PTPN13: variants seen among roughly 807,000 people sequenced by gnomAD.
PTPN13 encodes the protein protein tyrosine phosphatase non-receptor type 13.
In PTPN13, 191 loss-of-function variants were observed where a neutral mutation model predicts 284.0. That is an observed-to-expected ratio of 0.67 (90% CI 0.60 to 0.76). The LOEUF is 0.76. PTPN13 is among the 30% of genes least tolerant of loss of function. PTPN13 has a pLI of 0.00. For synonymous variants in PTPN13, 986 were observed against 1,022.3 expected (o/e 0.96, Z 0.68); for missense variants, 2,797 against 2,939.9 (o/e 0.95, Z 1.12).
At position 86,716,538 on chromosome 4, in the gene PTPN13, C is replaced by T. The variant is rs1444920175; in HGVS notation, c.1204C>T (p.Arg402Ter). Residue 402 changes from arginine to a stop codon, truncating the protein, a stop_gained, in exon 8 of 48, where the codon CGA becomes TGA. Coordinates refer to ENST00000411767, the MANE Select transcript of PTPN13 (RefSeq NM_080683.3). LOFTEE classifies it high-confidence loss of function. ...TGTTTTAATCCTTTTAGAACCAGTT[C>T]GAAGATACAAAACTTATCATGGTGA... is the stretch of plus-strand genomic sequence containing the variant. ...REAMNVEEPV[R>*]RYKTYHGDVF... 1.3e-6 allele frequency: 2 copies of T among 1,576,772 alleles called. No individual in the cohort carries two copies. Among genetic ancestry groups the T allele is most frequent in the Non-Finnish European group, 8.6e-7 (1 of 1,160,078 alleles).
intron 41 of PTPN13, among the ~76,000 whole-genome samples, chr4:86,797,844 C>CT (rs1398180908): frequency 6.6e-6 from 1 of 151,784 alleles, no homozygotes; most frequent in South Asian, 2.1e-4. Flanking sequence ...AAAGTAAGGT[C>CT]TTTTTTTACA....
intron 7 of PTPN13, among the ~76,000 whole-genome samples, chr4:86,713,424 T>C (rs1200731644): frequency 6.6e-6 from 1 of 152,142 alleles, no homozygotes; most frequent in African/African-American, 2.4e-5. Flanking sequence ...AATAAAATTA[T>C]TGTTTTCCAT....
At position 86,765,599 on chromosome 4, in the gene PTPN13, T is replaced by G. The variant is rs1021864565; in HGVS notation, c.4243+111T>G. Reference sequence around the variant, plus strand: ...AAATTCATGATATGAAATAAGAACATACTCAATTATAAAACTGTAGCATTA... The same window carrying G: ...AAATTCATGATATGAAATAAGAACAGACTCAATTATAAAACTGTAGCATTA... On this transcript the variant is annotated intron_variant, in intron 26 of 47. Transcript: ENST00000411767. The G allele has an allele frequency of 7.1e-6, 5 of 704,100 alleles. No individual in the cohort carries two copies. In the African/African-American group the frequency reaches 9.0e-5, roughly 13 times the overall value. The allele number at this position is 704,100 out of a possible 1,614,324, so 43.6% of individuals were successfully genotyped here. A position where few individuals can be genotyped will look rare whatever the true frequency, so the allele number is the denominator to read the frequency against.
chr4:86,638,580 A>C (rs138292915), intron 2 of PTPN13, among the ~76,000 whole-genome samples: 2 of 152,192 alleles, frequency 1.3e-5, no homozygotes, highest in Non-Finnish European at 2.9e-5. Context: ...CAATGGGGAA[A>C]CGATTCGCTA....
At position 86,814,778 on chromosome 4, in the gene PTPN13, C is replaced by A; in HGVS notation, c.*227C>A. The A allele has an allele frequency of 2.3e-6, 1 of 438,058 alleles. No homozygotes were observed. 27.1% of individuals were successfully genotyped at this position (438,058 alleles called of 1,614,324 possible). A position where few individuals can be genotyped will look rare whatever the true frequency, so the allele number is the denominator to read the frequency against. On this transcript the variant is annotated 3_prime_UTR_variant, in exon 48 of 48. Transcript: ENST00000411767. ...TTACAAAATTTTAACACTAACCAAA[C>A]AATGCAGATCTTAGGGATGATTAAA...
intron 3 of PTPN13, among the ~76,000 whole-genome samples, chr4:86,681,777 C>T (rs1275065774): frequency 1.3e-5 from 2 of 151,804 alleles, no homozygotes; most frequent in Non-Finnish European, 2.9e-5. Context: ...AAAATAGAAA[C>T]ATTAGCTGGG....
chr4:86,673,996 C>T (rs949302197), intron 3 of PTPN13, among the ~76,000 whole-genome samples: 2 of 152,088 alleles, frequency 1.3e-5, no homozygotes, highest in African/African-American at 2.4e-5. Flanking sequence ...TGTGAGCCGC[C>T]GTGCCTGGCC....
At chr4:86,759,178 C>A in intron 23 of PTPN13, 105 bp downstream of exon 23, 1 of 1,196,964 alleles carries the variant, frequency 8.4e-7, no homozygotes, top group Non-Finnish European at 1.2e-6. Context: ...AAAATTGATG[C>A]AACTTAAGTA....
chr4:86,805,446 T>A, intron 44 of PTPN13, 77 bp downstream of exon 44: 1 of 743,296 alleles, frequency 1.3e-6, no homozygotes, highest in Non-Finnish European at 2.1e-6. Context: ...GTGTTTAACT[T>A]ACCTATCCCT....
At chr4:86,752,412 A>G (rs1737503329) in intron 19 of PTPN13, among the ~76,000 whole-genome samples, 1 of 152,178 alleles carries the variant, frequency 6.6e-6, no homozygotes. Flanking sequence ...CTATCAATTT[A>G]ATTTCAGTCA....
intron 1 of PTPN13, among the ~76,000 whole-genome samples, chr4:86,630,474 A>G (rs1029151517): frequency 2.0e-5 from 3 of 152,178 alleles, no homozygotes; most frequent in African/African-American, 7.2e-5. Flanking sequence ...CTAAGATACT[A>G]TATATGTACA....
intron 37 of PTPN13, 116 bp from the exon 38 acceptor site, chr4:86,784,349 G>A (rs1741666438): frequency 6.2e-6 from 4 of 650,270 alleles, no homozygotes; most frequent in Non-Finnish European, 1.0e-5. Context: ...CTAAGGTGGA[G>A]AGATGTAAAA....
chr4:86,707,787 A>T (rs1731935607), intron 7 of PTPN13, among the ~76,000 whole-genome samples: 1 of 152,170 alleles, frequency 6.6e-6, no homozygotes, highest in Admixed American at 6.6e-5. Flanking sequence ...TATTTGATTT[A>T]TATCAGTTCC....
chr4:86,710,039 C>G (rs1165279559), intron 7 of PTPN13, among the ~76,000 whole-genome samples: 1 of 152,106 alleles, frequency 6.6e-6, no homozygotes, highest in Non-Finnish European at 1.5e-5. Context: ...ATATGGAATA[C>G]AGTAGACTAA....
chr4:86,749,963 TC>T (rs907484389), intron 17 of PTPN13, among the ~76,000 whole-genome samples: 1 of 152,214 alleles, frequency 6.6e-6, no homozygotes, highest in Non-Finnish European at 1.5e-5. Flanking sequence ...CAATTCACCA[TC>T]ACCGCAATCT....
rs747806621 is a variant in PTPN13, at chr4:86,811,119, G to T, written c.7362+11G>T. On this transcript the variant is annotated intron_variant, in intron 47 of 47. Coordinates refer to ENST00000411767, the MANE Select transcript of PTPN13 (RefSeq NM_080683.3). ...ATGGTTCAGACAGAGGTGAGTCATGGCTGGGCCTCCTAATGAGAATTTTTG... is the reference window on the plus strand; with the variant it reads ...ATGGTTCAGACAGAGGTGAGTCATGTCTGGGCCTCCTAATGAGAATTTTTG... The T allele has an allele frequency of 1.2e-6, 2 of 1,605,870 alleles. No homozygotes were observed. Among genetic ancestry groups the T allele is most frequent in the Non-Finnish European group, 1.7e-6 (2 of 1,174,418 alleles).
At chr4:86,634,863 T>G (rs1722836378) in intron 1 of PTPN13, among the ~76,000 whole-genome samples, 1 of 152,184 alleles carries the variant, frequency 6.6e-6, no homozygotes, top group Non-Finnish European at 1.5e-5. Context: ...CTCTCTACTT[T>G]TATATCTGGG....
In PTPN13 at chr4:86,815,011, T is replaced by C. The variant is rs1221588762; in HGVS notation, c.*460T>C. 9 of 153,480 alleles carry C rather than the reference T, an allele frequency of 5.9e-5. No individual in the cohort carries two copies. Among genetic ancestry groups the C allele is most frequent in the African/African-American group, 2.2e-4 (9 of 41,586 alleles). The allele number at this position is 153,480 out of a possible 1,614,324, so 9.5% of individuals were successfully genotyped here. A position where few individuals can be genotyped will look rare whatever the true frequency, so the allele number is the denominator to read the frequency against. On this transcript the variant is annotated 3_prime_UTR_variant, in exon 48 of 48. Coordinates refer to ENST00000411767, the MANE Select transcript of PTPN13 (RefSeq NM_080683.3). The stretch of plus-strand genomic sequence containing the variant: ...AAATGTTTACTGTATCAATTTCTAA[T>C]GTTTACTATATAGAATTTCCTGTAA...
intron 7 of PTPN13, among the ~76,000 whole-genome samples, chr4:86,709,974 A>G (rs1732200457): frequency 6.6e-6 from 1 of 152,148 alleles, no homozygotes; most frequent in South Asian, 2.1e-4. Flanking sequence ...TTTATTCATT[A>G]TGTCTAGCTC....
Sources: allele counts gnomAD v4.1 joint callset (sites outside exome capture counted in the v4.1 genomes callset), GRCh38; gene constraint gnomAD v4.1.1; transcripts MANE v1.5; gene names NCBI Gene and HGNC (gene_info 2026-07-23, HGNC 2026-07-21).